The following TBCCD1 variants were observed in gnomAD, a reference collection of about 807,000 sequenced individuals.
TBCCD1 encodes TBCC domain-containing protein 1.
In TBCCD1, 26 loss-of-function variants were observed where a neutral mutation model predicts 53.4. That is an observed-to-expected ratio of 0.49 (90% confidence interval 0.36 to 0.68). The LOEUF (loss-of-function observed/expected upper bound fraction) is 0.68, where lower values mean the gene tolerates loss of function less well. TBCCD1 is among the 30% of genes least tolerant of loss of function. The probability of loss-of-function intolerance (pLI) is 0.00; values close to 1 mark genes in which losing one functional copy is unlikely to be tolerated. For missense variants in TBCCD1, 558 were observed against 669.5 expected (o/e 0.83, Z 1.84); for synonymous variants, 245 against 241.7 (o/e 1.01, Z -0.13).
At chr3:186,568,614 T>C (rs1417728794), upstream of TBCCD1, among the ~76,000 whole-genome samples, 1 of 151,820 alleles carries the variant, frequency 6.6e-6, no homozygotes, top group African/African-American at 2.4e-5. Flanking sequence ...ATGAAAAAAA[T>C]AGGAGGCCGG....
chr3:186,552,396 T>C (rs953099385), intron 6 of TBCCD1, among the ~76,000 whole-genome samples: 1 of 152,028 alleles, frequency 6.6e-6, no homozygotes, highest in Non-Finnish European at 1.5e-5. Flanking sequence ...CCACCACCAT[T>C]AGACAAAGCC....
In TBCCD1 at chr3:186,552,331, G is replaced by A. The variant is rs180900425; in HGVS notation, c.1545-1052C>T. On this transcript the variant is annotated intron_variant, in intron 6 of 7. Coordinates refer to ENST00000338733, the MANE Select transcript of TBCCD1 (RefSeq NM_018138.5). ...CTAGCACTGTCAGCTAGGCCTTGGTGTAGGATCTGGACTTGCTATTGTATT... is the reference window on the plus strand; with the variant it reads ...CTAGCACTGTCAGCTAGGCCTTGGTATAGGATCTGGACTTGCTATTGTATT... 3.7e-4 allele frequency among the ~76,000 whole-genome samples: 56 copies of A among 152,274 alleles called. No individual in the cohort carries two copies. In the East Asian group the frequency reaches 7.3e-3, roughly 20 times the overall value.
At chr3:186,559,228 A>G (rs1445479359) in intron 2 of TBCCD1, among the ~76,000 whole-genome samples, 1 of 152,268 alleles carries the variant, frequency 6.6e-6, no homozygotes, top group African/African-American at 2.4e-5. Flanking sequence ...TGAATAAATA[A>G]GTAGATGGAA....
intron 1 of TBCCD1, among the ~76,000 whole-genome samples, chr3:186,564,804 A>T (rs1196301274): frequency 6.6e-6 from 1 of 152,240 alleles, no homozygotes; most frequent in African/African-American, 2.4e-5. Context: ...TGGACATGTT[A>T]GCTGAGCATA....
intron 4 of TBCCD1, 24 bp downstream of exon 4, chr3:186,556,385 G>A: frequency 1.9e-6 from 3 of 1,572,660 alleles, no homozygotes; most frequent in African/African-American, 1.4e-5. Flanking sequence ...TCAATTTAAT[G>A]TAGATTAAAA....
rs139985093 is a variant in TBCCD1 at position 186,554,439 on chromosome 3, G to C, written c.1359C>G (p.Ser453Arg). The C allele has an allele frequency of 9.3e-6, 15 of 1,614,194 alleles. No individual in the cohort carries two copies. The highest frequency in any genetic ancestry group is 1.6e-4 in the Middle Eastern group (1 of 6,062). ...DNPMVVCREN[S>R]DTRVFQLLPP... is the part of the protein sequence containing the mutation. ...GTAAAAGCTGGAAGACTCTTGTGTCGCTGTTCTCTCTGCACACAACCATTG... is the reference window on the plus strand; with the variant it reads ...GTAAAAGCTGGAAGACTCTTGTGTCCCTGTTCTCTCTGCACACAACCATTG... Residue 453 changes from serine to arginine, a missense_variant, in exon 6 of 8, where the codon AGC becomes AGG. Ser to Arg is a moderately radical substitution (Grantham distance 110). Transcript: ENST00000338733.
chr3:186,546,452 T>C lies in TBCCD1; in HGVS notation c.*525A>G, dbSNP rs542512939. 3.3e-5 allele frequency: 5 copies of C among 152,274 alleles called. No individual in the cohort carries two copies. The highest frequency in any genetic ancestry group is 1.2e-4 in the African/African-American group (5 of 41,542). The allele number at this position is 152,274 out of a possible 1,614,324, so 9.4% of individuals were successfully genotyped here. A position where few individuals can be genotyped will look rare whatever the true frequency, so the allele number is the denominator to read the frequency against. On this transcript the variant is annotated 3_prime_UTR_variant, in exon 8 of 8. Transcript: ENST00000338733. ...GAGTCTTCTGATGTTCTATAAGCAA[T>C]ATGTTTATATGAAAGTCAGAAGTTT... is the stretch of plus-strand genomic sequence containing the variant.
At chr3:186,557,560 G>A (rs1714577155) in intron 3 of TBCCD1, among the ~76,000 whole-genome samples, 1 of 152,124 alleles carries the variant, frequency 6.6e-6, no homozygotes, top group South Asian at 2.1e-4. Flanking sequence ...CACAAAGTTG[G>A]GAGTCACTGA....
chr3:186,551,181 G>C lies in TBCCD1; in HGVS notation c.1643C>G (p.Pro548Arg), dbSNP rs746635161. ...AGCTGCTTGTTTGGAGCCTGCTGCA[G>C]GGGGTACAAGGCTGTCCAGCTGTTG... ...HRQQLDSLVPPAAGSKQAAG is the reference protein window; with the variant it reads ...HRQQLDSLVPRAAGSKQAAG Residue 548 changes from proline to arginine, a missense_variant, in exon 7 of 8, where the codon CCT becomes CGT. Coordinates refer to ENST00000338733, the MANE Select transcript of TBCCD1 (RefSeq NM_018138.5). 1.2e-5 allele frequency: 20 copies of C among 1,612,194 alleles called. No homozygotes were observed. The Admixed American group carries it at 3.3e-4, about 27-fold the overall frequency.
chr3:186,570,467 C>G (rs1714987903), upstream of TBCCD1: 4 of 481,318 alleles, frequency 8.3e-6, no homozygotes, highest in South Asian at 1.6e-4. Flanking sequence ...GACCGGCCCC[C>G]TATCATTACG....
chr3:186,549,242 C>T (rs551825539), intron 7 of TBCCD1, among the ~76,000 whole-genome samples: 112 of 151,998 alleles, frequency 7.4e-4, no homozygotes, highest in Non-Finnish European at 1.3e-3. Flanking sequence ...GAGCCGAGAC[C>T]GCACCACTGC....
At chr3:186,551,086 GATT>G (rs1714359120) in intron 7 of TBCCD1, 40 bp downstream of exon 7, 3 of 1,564,516 alleles carry the variant, frequency 1.9e-6, no homozygotes, top group East Asian at 4.5e-5. Flanking sequence ...ATGCTTGAAA[GATT>G]TCCCCAAAAG....
chr3:186,564,191 C>A lies in TBCCD1; in HGVS notation c.139G>T (p.Gly47Ter). The part of the protein sequence containing the change: ...STYVQIRATE[G>*]AYPRLYWSTW... ...GACCAGTAGAGGCGCGGGTAAGCTC[C>A]TTCTGTGGCCCGGATTTGCACATAG... The change falls in exon 2 of 8, where the codon GGA becomes TGA. Residue 47 changes from glycine (G) to a stop codon, truncating the protein, a stop_gained. Transcript: ENST00000338733. LOFTEE classifies it high-confidence loss of function. 1.2e-6 allele frequency: 2 copies of A among 1,614,218 alleles called. No individual in the cohort carries two copies. The highest frequency in any genetic ancestry group is 1.7e-6 in the Non-Finnish European group (2 of 1,180,042).
Position 186,556,656 on chromosome 3 carries a change from C to T in TBCCD1, c.612G>A (p.Val204=), listed in dbSNP as rs559719135. ...ASFHSTHSSL[V]SREAVVALSF... The stretch of plus-strand genomic sequence containing the variant: ...TGAGCGCCACAACAGCTTCTCGAGA[C>T]ACTAGACTACTATGGGTTGAATGAA... Residue 204 remains valine (V), a synonymous_variant, in exon 4 of 8, where the codon GTG becomes GTA. Transcript: ENST00000338733. 5.6e-6 allele frequency: 9 copies of T among 1,614,142 alleles called. No homozygotes were observed. The African/African-American group carries it at 1.2e-4, about 22-fold the overall frequency.
Position 186,546,758 on chromosome 3 carries a change from G to A in TBCCD1, c.*219C>T, listed in dbSNP as rs1442482913. The stretch of plus-strand genomic sequence containing the variant: ...AGGCAGGAGAATGGCGTGAACCCGG[G>A]AGGCAGAGCTTGCAGTGAGCCGAGA... On this transcript the variant is annotated 3_prime_UTR_variant, in exon 8 of 8. Transcript: ENST00000338733. The A allele has an allele frequency of 6.6e-6, 1 of 151,118 alleles. No homozygotes were observed. The highest frequency in any genetic ancestry group is 6.6e-5 in the Admixed American group (1 of 15,178). 9.4% of individuals were successfully genotyped at this position (151,118 alleles called of 1,614,324 possible). A position where few individuals can be genotyped will look rare whatever the true frequency, so the allele number is the denominator to read the frequency against.
In TBCCD1 at chr3:186,556,645, G is replaced by A. The variant is rs1446430255; in HGVS notation, c.623C>T (p.Ala208Val). ...STHSSLVSRE[A>V]VVALSFLIEG... is the part of the protein sequence containing the mutation. ...AATAAGGAAGCTGAGCGCCACAACA[G>A]CTTCTCGAGACACTAGACTACTATG... The change falls in exon 4 of 8, where the codon GCT (alanine) becomes GTT (valine). Residue 208 changes from alanine to valine, a missense_variant. By Grantham distance (64) the Ala-to-Val change is moderately conservative (BLOSUM62 0). Coordinates refer to ENST00000338733, the MANE Select transcript of TBCCD1 (RefSeq NM_018138.5). 1.2e-6 allele frequency: 2 copies of A among 1,614,048 alleles called. No homozygotes were observed. The highest frequency in any genetic ancestry group is 8.5e-7 in the Non-Finnish European group (1 of 1,180,046).
intron 7 of TBCCD1, 86 bp downstream of exon 7, chr3:186,551,043 T>C (rs565268355): frequency 2.1e-6 from 3 of 1,414,562 alleles, no homozygotes; most frequent in Non-Finnish European, 1.9e-6. Context: ...AATTTGGGCA[T>C]GTTTAGTATA....
chr3:186,564,442 G>A (rs1714771253), intron 1 of TBCCD1, 70 bp from the exon 2 acceptor site: 2 of 1,030,160 alleles, frequency 1.9e-6, no homozygotes, highest in East Asian at 2.5e-5. Context: ...CTTGGAAGGT[G>A]ACCCCTCTCT....
rs144228045 is a variant in TBCCD1, at chr3:186,554,398, T to C, written c.1400A>G (p.Tyr467Cys). 2.0e-5 allele frequency: 33 copies of C among 1,614,078 alleles called. No individual in the cohort carries two copies. The highest frequency in any genetic ancestry group is 1.7e-4 in the African/African-American group (13 of 74,932). Residue 467 changes from tyrosine (Y) to cysteine (C), a missense_variant, in exon 6 of 8, where the codon TAT (tyrosine) becomes TGT (cysteine). Transcript: ENST00000338733. The part of the protein sequence containing the change: ...VFQLLPPCEF[Y>C]VFIIPFEMEG... ...CATTTCAAAGGGAATAATAAATACA[T>C]AGAATTCACAAGGTGGTAAAAGCTG...
Sources: gnomAD v4.1 joint callset for allele counts (sites outside exome capture counted in the v4.1 genomes callset) on GRCh38, gnomAD v4.1.1 for gene constraint, MANE v1.5 for transcripts, NCBI Gene and HGNC (gene_info 2026-07-23, HGNC 2026-07-21) for gene names.